FGF12: variants seen among roughly 807,000 people sequenced by gnomAD.
FGF12 encodes the protein fibroblast growth factor 12B.
FGF12 carries 14 observed loss-of-function variants against 23.6 expected under a neutral mutation model. That is an observed-to-expected ratio of 0.59 (90% CI 0.39 to 0.93). The LOEUF is 0.93. Among genes scored for constraint, FGF12 ranks in the 40% least tolerant of loss-of-function variants. FGF12 has a pLI of 0.00. For missense variants in FGF12, 175 were observed against 217.8 expected (o/e 0.80, Z 1.24); for synonymous variants, 62 against 77.3 (o/e 0.80, Z 1.04).
rs754471176 is a variant in FGF12, at chr3:192,335,469, G to C, written c.125-5C>G. On this transcript the variant is annotated splice_polypyrimidine_tract_variant and splice_region_variant and intron_variant, in intron 3 of 5. Coordinates refer to ENST00000445105, the MANE Select transcript of FGF12 (RefSeq NM_004113.6). ...CGGGAATTAGATTGAAGAGAGCTGG[G>C]GGGAGAAAAAGAAGGGCGGAAAGGA... 2.5e-6 allele frequency: 4 copies of C among 1,599,498 alleles called. No homozygotes were observed. The highest frequency in any genetic ancestry group is 1.3e-5 in the African/African-American group (1 of 74,514).
intron 2 of FGF12, among the ~76,000 whole-genome samples, chr3:192,426,845 T>C (rs1721701840): frequency 6.6e-6 from 1 of 152,230 alleles, no homozygotes; most frequent in South Asian, 2.1e-4. Context: ...ATCTTGATTT[T>C]AAATTTTAAT....
chr3:192,684,455 G>A (rs1717660910), intron 2 of FGF12, among the ~76,000 whole-genome samples: 1 of 152,048 alleles, frequency 6.6e-6, no homozygotes, highest in Non-Finnish European at 1.5e-5. Flanking sequence ...AGGTCAAGCA[G>A]CTGCCCGTTT....
At chr3:192,252,143 G>A (rs1323231891) in intron 4 of FGF12, among the ~76,000 whole-genome samples, 1 of 151,914 alleles carries the variant, frequency 6.6e-6, no homozygotes, top group Non-Finnish European at 1.5e-5. Flanking sequence ...GTATTCTCTA[G>A]GATGCGAAAT....
intron 2 of FGF12, among the ~76,000 whole-genome samples, chr3:192,502,831 G>A (rs1724171569): frequency 6.6e-6 from 1 of 152,244 alleles, no homozygotes; most frequent in Non-Finnish European, 1.5e-5. Flanking sequence ...TAGGCTAGAA[G>A]TTAAAGAGAG....
At chr3:192,430,976 A>G (rs1242278325) in intron 2 of FGF12, among the ~76,000 whole-genome samples, 1 of 152,180 alleles carries the variant, frequency 6.6e-6, no homozygotes, top group Non-Finnish European at 1.5e-5. Context: ...TCTCTATTTC[A>G]AGAGATACCT....
At chr3:192,203,573 T>TTG in intron 4 of FGF12, among the ~76,000 whole-genome samples, 1 of 150,110 alleles carries the variant, frequency 6.7e-6, no homozygotes, top group African/African-American at 2.4e-5. Context: ...TTACTTTTTT[T>TTG]TTTTTTTTTT....
chr3:192,447,392 A>AT (rs145979462), intron 2 of FGF12, among the ~76,000 whole-genome samples: 6 of 152,028 alleles, frequency 3.9e-5, no homozygotes, highest in South Asian at 2.1e-4. Flanking sequence ...CCAAATACTC[A>AT]TTTTTTTTCA....
intron 4 of FGF12, among the ~76,000 whole-genome samples, chr3:192,231,486 T>C (rs1165760818): frequency 1.3e-5 from 2 of 152,160 alleles, no homozygotes; most frequent in Non-Finnish European, 2.9e-5. Context: ...ATTGCAGTTT[T>C]TGGCCAGGTG....
chr3:192,316,924 G>A (rs187825329), intron 4 of FGF12, among the ~76,000 whole-genome samples: 106 of 152,284 alleles, frequency 7.0e-4, no homozygotes, highest in African/African-American at 2.4e-3. Context: ...ATAGAATAGA[G>A]CACCAGTCAT....
intron 5 of FGF12, among the ~76,000 whole-genome samples, chr3:192,156,625 C>CCTGCAAGATAAATAAACAATGTTA (rs1714439532): frequency 1.2e-4 from 19 of 152,186 alleles, no homozygotes; most frequent in Admixed American, 3.9e-4. Context: ...TTTCATCTGG[C>CCTGCAAGATAAATAAACAATGTTA]TTTTCTGGGT....
intron 2 of FGF12, among the ~76,000 whole-genome samples, chr3:192,678,486 A>G (rs566511649): frequency 6.6e-6 from 1 of 152,076 alleles, no homozygotes; most frequent in East Asian, 1.9e-4. Context: ...TTGTTGAAAG[A>G]CTCAAACTCG....
At chr3:192,708,963 C>A (rs1718577427) in intron 2 of FGF12, among the ~76,000 whole-genome samples, 1 of 152,088 alleles carries the variant, frequency 6.6e-6, no homozygotes, top group African/African-American at 2.4e-5. Context: ...CCATAATATA[C>A]CATTTGCTAA....
At chr3:192,607,799 C>T (rs1442238844) in intron 2 of FGF12, among the ~76,000 whole-genome samples, 1 of 147,212 alleles carries the variant, frequency 6.8e-6, no homozygotes, top group African/African-American at 2.5e-5. Flanking sequence ...CTTCGTTTCA[C>T]CATGAGCAAA....
chr3:192,538,923 T>C (rs1349850762), intron 2 of FGF12, among the ~76,000 whole-genome samples: 1 of 152,214 alleles, frequency 6.6e-6, no homozygotes, highest in Non-Finnish European at 1.5e-5. Context: ...GATTGCTTTC[T>C]TGATTTCTTT....
At chr3:192,420,027 G>A (rs1481047366) in intron 2 of FGF12, among the ~76,000 whole-genome samples, 2 of 152,108 alleles carry the variant, frequency 1.3e-5, no homozygotes, top group Non-Finnish European at 2.9e-5. Context: ...CCCTGGAAAG[G>A]CCAGGGTAAA....
chr3:192,300,628 T>G (rs1169664644), intron 4 of FGF12, among the ~76,000 whole-genome samples: 2 of 148,708 alleles, frequency 1.3e-5, no homozygotes, highest in African/African-American at 5.1e-5. Context: ...TGTTATGTAT[T>G]TTTTTATATA....
At chr3:192,487,456 G>A (rs1723670523) in intron 2 of FGF12, among the ~76,000 whole-genome samples, 1 of 152,012 alleles carries the variant, frequency 6.6e-6, no homozygotes, top group Non-Finnish European at 1.5e-5. Flanking sequence ...CAAGCCTAGT[G>A]CTTAGCTTCA....
chr3:192,533,005 T>A (rs1725131046), intron 2 of FGF12, among the ~76,000 whole-genome samples: 1 of 152,202 alleles, frequency 6.6e-6, no homozygotes, highest in Non-Finnish European at 1.5e-5. Flanking sequence ...TGTAAATATC[T>A]ATTTTCAAAA....
At chr3:192,581,636 T>G (rs1713161630) in intron 2 of FGF12, among the ~76,000 whole-genome samples, 1 of 151,970 alleles carries the variant, frequency 6.6e-6, no homozygotes, top group South Asian at 2.1e-4. Flanking sequence ...CATTGAAATA[T>G]TCAACTCCCA....
Sources: gnomAD v4.1 joint callset for allele counts (sites outside exome capture counted in the v4.1 genomes callset) on GRCh38, gnomAD v4.1.1 for gene constraint, MANE v1.5 for transcripts, NCBI Gene and HGNC (gene_info 2026-07-23, HGNC 2026-07-21) for gene names.